Variants in ANKFY1 observed in about 807,000 individuals in gnomAD.
The protein encoded by ANKFY1 is ankyrin repeat and FYVE domain containing 1, also known as ankyrin repeat and FYVE domain-containing protein 1.
ANKFY1 carries 47 observed loss-of-function variants against 128.3 expected under a neutral mutation model. The observed-to-expected ratio is 0.37, with a 90% CI of 0.29 to 0.47. The LOEUF (loss-of-function observed/expected upper bound fraction) is 0.47. Among genes scored for constraint, ANKFY1 ranks in the 20% least tolerant of loss-of-function variants. ANKFY1 has a pLI of 1.00. For synonymous variants in ANKFY1, 553 were observed against 601.6 expected (o/e 0.92, Z 1.18); for missense variants, 1,222 against 1,510.6 (o/e 0.81, Z 3.17).
intron 2 of ANKFY1, among the ~76,000 whole-genome samples, chr17:4,239,528 T>C (rs1362728573): frequency 6.6e-6 from 1 of 152,206 alleles, no homozygotes; most frequent in African/African-American, 2.4e-5. Flanking sequence ...TTTACTGTTA[T>C]TTGCATCCTC....
At chr17:4,194,103 A>ATATTTTTTT (rs1555627694) in intron 10 of ANKFY1, among the ~76,000 whole-genome samples, 4 of 108,188 alleles carry the variant, frequency 3.7e-5, no homozygotes, top group African/African-American at 1.5e-4. Context: ...ATATATATAT[A>ATATTTTTTT]TTTTTTTTTT....
At chr17:4,216,466 T>C (rs1567952332) in intron 4 of ANKFY1, 2 of 168,590 alleles carry the variant, frequency 1.2e-5, no homozygotes, top group East Asian at 3.0e-4. Context: ...AAATGTAATA[T>C]AAAAACACAG....
intron 19 of ANKFY1, among the ~76,000 whole-genome samples, chr17:4,175,721 C>T (rs117969979): frequency 0.011 from 1,677 of 152,250 alleles, 17 homozygotes; most frequent in Middle Eastern, 0.017. Context: ...CCATACGGGA[C>T]GTCTCACAGA....
At position 4,173,914 on chromosome 17, in the gene ANKFY1, T is replaced by C. The variant is rs1277848843; in HGVS notation, c.2918A>G (p.Asn973Ser). The stretch of plus-strand genomic sequence containing the variant: ...AAAGAATGACTGGGAGTTACCATTG[T>C]TTCCATTCTCATCCACGGCAGCAAA... ...VDFAAVDENG[N>S]NALHLAVMHG... The change falls in exon 20 of 25, where the codon AAC (asparagine) becomes AGC (serine). Residue 973 changes from asparagine to serine, a missense_variant. By Grantham distance (46) the Asn-to-Ser change is conservative (BLOSUM62 1). Coordinates refer to ENST00000341657, the MANE Select transcript of ANKFY1 (RefSeq NM_001330063.2). 6.2e-7 allele frequency: 1 copy of C among 1,613,044 alleles called. No individual in the cohort carries two copies. The highest frequency in any genetic ancestry group is 8.5e-7 in the Non-Finnish European group (1 of 1,179,184).
chr17:4,259,021 A>C (rs1170818447), intron 1 of ANKFY1, among the ~76,000 whole-genome samples: 2 of 152,230 alleles, frequency 1.3e-5, no homozygotes, highest in Non-Finnish European at 2.9e-5. Flanking sequence ...AAGACTGTGC[A>C]CCAGGGTGAA....
intron 3 of ANKFY1, among the ~76,000 whole-genome samples, chr17:4,229,293 G>A (rs867011557): frequency 1.3e-5 from 2 of 151,756 alleles, no homozygotes; most frequent in African/African-American, 2.4e-5. Flanking sequence ...GCGTGGTGGC[G>A]GGCACCTGTA....
chr17:4,187,054 G>T, intron 11 of ANKFY1: 2 of 1,210,496 alleles, frequency 1.7e-6, no homozygotes, highest in Non-Finnish European at 2.1e-6. Flanking sequence ...CTGGTTCCAC[G>T]GATAAGTTCT....
intron 12 of ANKFY1, 88 bp from the exon 13 acceptor site, chr17:4,183,998 C>A: frequency 9.0e-7 from 1 of 1,105,928 alleles, no homozygotes; most frequent in South Asian, 1.3e-5. Context: ...CTCAAACTGC[C>A]TGTTGGGTAT....
intron 1 of ANKFY1, among the ~76,000 whole-genome samples, chr17:4,254,690 T>G (rs1377849996): frequency 6.6e-6 from 1 of 152,212 alleles, no homozygotes; most frequent in African/African-American, 2.4e-5. Context: ...AAATTCTGTA[T>G]AGTAAAAGAT....
rs570893688 is a variant in ANKFY1, at chr17:4,173,334, C to T, written c.3014+20G>A. 3.7e-6 allele frequency: 6 copies of T among 1,611,358 alleles called. No individual in the cohort carries two copies. In the Admixed American group the frequency reaches 8.3e-5, roughly 22 times the overall value. The stretch of plus-strand genomic sequence containing the variant: ...AGCAGGCCAGGCGCCGCGGGGCCTA[C>T]TCGGGCCCAACGCGCTCACCTGAGA... On this transcript the variant is annotated intron_variant, in intron 21 of 24. Transcript: ENST00000341657.
intron 1 of ANKFY1, among the ~76,000 whole-genome samples, chr17:4,254,082 G>A (rs753956934): frequency 3.3e-5 from 5 of 152,116 alleles, no homozygotes; most frequent in African/African-American, 4.8e-5. Flanking sequence ...AAGGTAGGCA[G>A]ATCACGAGGT....
chr17:4,203,729 C>T (rs1271321174), intron 7 of ANKFY1, among the ~76,000 whole-genome samples: 14 of 149,888 alleles, frequency 9.3e-5, no homozygotes, highest in Admixed American at 3.4e-4. Context: ...GCAGGAGAAT[C>T]GCTTGAACCT....
intron 12 of ANKFY1, 38 bp from the exon 13 acceptor site, chr17:4,183,948 C>CCATCTG: frequency 6.5e-7 from 1 of 1,542,826 alleles, no homozygotes; most frequent in Non-Finnish European, 9.0e-7. Flanking sequence ...CTTGATGTCA[C>CCATCTG]CATCTGTGGA....
chr17:4,252,366 A>G (rs1468191923), intron 1 of ANKFY1, among the ~76,000 whole-genome samples: 1 of 152,146 alleles, frequency 6.6e-6, no homozygotes, highest in Non-Finnish European at 1.5e-5. Context: ...TAGGAGTTTG[A>G]GAACAGCTGG....
At chr17:4,255,606 G>A (rs1413596442) in intron 1 of ANKFY1, among the ~76,000 whole-genome samples, 2 of 152,164 alleles carry the variant, frequency 1.3e-5, no homozygotes, top group African/African-American at 4.8e-5. Flanking sequence ...CTTTAACTAT[G>A]TCCATTAGAT....
Position 4,167,886 on chromosome 17 carries a change from G to A in ANKFY1, c.3403C>T (p.His1135Tyr). 1 of 1,613,970 alleles carries A rather than the reference G, an allele frequency of 6.2e-7. No homozygotes were observed. The highest frequency in any genetic ancestry group is 1.1e-5 in the South Asian group (1 of 91,062). The change falls in exon 25 of 25, where the codon CAT (histidine) becomes TAT (tyrosine). Residue 1135 changes from histidine (H) to tyrosine (Y), a missense_variant. Transcript: ENST00000341657. This position sits in a 1 kb window ranked among gnomAD's most constrained non-coding sequence, Gnocchi z 4.1. ...HCRHCGRLLC[H>Y]KCSTKEIPII... ...GGAATCTCCTTGGTCGAGCATTTATGGCAAAGAAGACGTCCGCAGTGACGA... is the reference window on the plus strand; with the variant it reads ...GGAATCTCCTTGGTCGAGCATTTATAGCAAAGAAGACGTCCGCAGTGACGA...
At chr17:4,240,401 TA>T (rs775915841) in intron 2 of ANKFY1, among the ~76,000 whole-genome samples, 24 of 147,334 alleles carry the variant, frequency 1.6e-4, no homozygotes, top group African/African-American at 2.0e-4. Context: ...TTTATTTATT[TA>T]TTTTTTTAAG....
chr17:4,176,354 C>G (rs1168207538), intron 19 of ANKFY1, among the ~76,000 whole-genome samples: 1 of 152,214 alleles, frequency 6.6e-6, no homozygotes, highest in African/African-American at 2.4e-5. Context: ...CAGGAGGGAC[C>G]AGCGACAGCC....
At chr17:4,229,966 T>C (rs1461453237) in intron 3 of ANKFY1, among the ~76,000 whole-genome samples, 3 of 152,214 alleles carry the variant, frequency 2.0e-5, no homozygotes, top group Non-Finnish European at 4.4e-5. Flanking sequence ...TAGCAAAGAA[T>C]TTGTGAGCAT....
Sources: allele counts gnomAD v4.1 joint callset (sites outside exome capture counted in the v4.1 genomes callset), GRCh38; gene constraint gnomAD v4.1.1; non-coding constraint Gnocchi (gnomAD v3.1); transcripts MANE v1.5; gene names NCBI Gene and HGNC (gene_info 2026-07-23, HGNC 2026-07-21).